The following SCN4A variants were observed in gnomAD, a reference collection of about 807,000 sequenced individuals.
SCN4A encodes the protein sodium voltage-gated channel alpha subunit 4, also known as sodium channel protein type 4 subunit alpha.
Under a neutral mutation model 162.0 loss-of-function variants are expected in SCN4A, and 83 were observed. The observed-to-expected ratio is 0.51, with a 90% CI of 0.43 to 0.61. SCN4A has a LOEUF of 0.61. Ranked by LOEUF, SCN4A falls within the 20% of genes least tolerant of loss-of-function variation. The pLI, the probability that SCN4A is intolerant of heterozygous loss-of-function variation, is 0.00. For missense variants in SCN4A, 2,196 were observed against 2,462.5 expected, an observed-to-expected ratio of 0.89 and a Z score of 2.29; for synonymous variants, 944 against 985.1, an observed-to-expected ratio of 0.96 and a Z score of 0.78.
chr17:63,958,840 A>G (rs961372689), intron 12 of SCN4A, among the ~76,000 whole-genome samples: 1 of 152,252 alleles, frequency 6.6e-6, no homozygotes, highest in Non-Finnish European at 1.5e-5. Context: ...GGCGTGAGCC[A>G]CCGCGTCCAG....
Position 63,945,369 on chromosome 17 carries a change from G to A in SCN4A, c.3711C>T (p.Leu1237=). 1 of 1,610,000 alleles carries A rather than the reference G, an allele frequency of 6.2e-7. No individual in the cohort carries two copies. ...GGTGGGTCACACTCACCACCTGCAG[G>A]AGGGAGAGGTAGCCCAGACCCACGT... The part of the protein sequence containing the change: ...YDNVGLGYLS[L]LQVATFKGWM... Residue 1237 remains leucine (L), a synonymous_variant, in exon 19 of 24, where the codon CTC becomes CTT. Transcript: ENST00000435607. The surrounding 1 kb of genome is among the most constrained non-coding windows in gnomAD (Gnocchi z 4.4).
intron 14 of SCN4A, 74 bp from the exon 15 acceptor site, chr17:63,949,602 G>A (rs1908844010): frequency 2.0e-6 from 3 of 1,481,484 alleles, no homozygotes; most frequent in East Asian, 2.3e-5. Flanking sequence ...GATGGGGCAG[G>A]ATGGGAGACC....
chr17:63,963,649 G>T (rs200636727), intron 10 of SCN4A, 23 bp downstream of exon 10: 18 of 1,534,044 alleles, frequency 1.2e-5, no homozygotes, highest in Admixed American at 1.1e-4. Context: ...ACCTAAGTGG[G>T]CACGGGGGCA....
chr17:63,945,088 C>CG lies in SCN4A; in HGVS notation c.3721-29dup, dbSNP rs752849292. 45 of 1,605,460 alleles carry CG rather than the reference C, an allele frequency of 2.8e-5. No individual in the cohort carries two copies. The African/African-American group carries it at 3.6e-4, about 13-fold the overall frequency. On this transcript the variant is annotated intron_variant, in intron 19 of 23. Transcript: ENST00000435607. This position sits in a 1 kb window ranked among gnomAD's most constrained non-coding sequence, Gnocchi z 4.4. ...GAGAGAGTGTGGTTGGGGAGTGAGCCGGGGGGCTGCTCCCTGCTTTCATCA... is the reference window on the plus strand; with the variant it reads ...GAGAGAGTGTGGTTGGGGAGTGAGCCGGGGGGGCTGCTCCCTGCTTTCATCA...
chr17:63,972,561 G>A lies in SCN4A; in HGVS notation c.273+8C>T. The A allele has an allele frequency of 1.3e-6, 2 of 1,592,962 alleles. No homozygotes were observed. The highest frequency in any genetic ancestry group is 1.3e-5 in the African/African-American group (1 of 74,516). On this transcript the variant is annotated splice_region_variant and intron_variant, in intron 1 of 23. Coordinates refer to ENST00000435607, the MANE Select transcript of SCN4A (RefSeq NM_000334.4). This position sits in a 1 kb window ranked among gnomAD's most constrained non-coding sequence, Gnocchi z 4.3. ...AGACAGACAGAGGAAGCCTTCCCAG[G>A]CCCAGACCTTCTTATTGCTGTAGTA...
Position 63,948,154 on chromosome 17 carries a change from G to A in SCN4A, c.3145-91C>T, listed in dbSNP as rs1908788128. On this transcript the variant is annotated intron_variant, in intron 16 of 23. Coordinates refer to ENST00000435607, the MANE Select transcript of SCN4A (RefSeq NM_000334.4). ...GCCCTGCTCTATGCTGCTGGTTCCC[G>A]GGGGTCTGCCGTGGGGGCCCAGCCC... The A allele has an allele frequency of 1.1e-5, 12 of 1,095,608 alleles. 1 individual carries two copies. Among genetic ancestry groups the A allele is most frequent in the East Asian group, 8.1e-5 (3 of 37,158 alleles). The allele number at this position is 1,095,608 out of a possible 1,614,324, so 67.9% of individuals were successfully genotyped here.
In SCN4A at chr17:63,960,996, C is replaced by T. The variant is rs529256410; in HGVS notation, c.1845+197G>A. Among the ~76,000 whole-genome samples, 80 of 151,714 alleles carry T rather than the reference C, an allele frequency of 5.3e-4. 3 individuals are homozygous for T. Among genetic ancestry groups the T allele is most frequent in the African/African-American group, 1.8e-3 (76 of 41,280 alleles). ...CCTGCCCCTAAATGTCCTGAAACCC[C>T]AGTTCTGTGTGCCACAGATCACCCC... On this transcript the variant is annotated intron_variant, in intron 11 of 23. Transcript: ENST00000435607.
chr17:63,951,664 C>T lies in SCN4A; in HGVS notation c.2613G>A (p.Gly871=). The change falls in exon 14 of 24, where the codon GGG becomes GGA. Residue 871 remains glycine (G), a synonymous_variant. Transcript: ENST00000435607. The surrounding 1 kb of genome is among the most constrained non-coding windows in gnomAD (Gnocchi z 4.5). ...ADGAGEAGEA[G]ETAPEDEKKE... ...TCTTCTCATCCTCGGGGGCAGTCTC[C>T]CCCGCCTCTCCAGCCTCCCCGGCCC... The T allele has an allele frequency of 6.2e-7, 1 of 1,605,082 alleles. No homozygotes were observed. The highest frequency in any genetic ancestry group is 8.5e-7 in the Non-Finnish European group (1 of 1,175,756).
intron 13 of SCN4A, among the ~76,000 whole-genome samples, chr17:63,953,667 G>A (rs1189707058): frequency 6.7e-6 from 1 of 150,262 alleles, no homozygotes; most frequent in Non-Finnish European, 1.5e-5. Flanking sequence ...GGGTGACAGT[G>A]CGAGACCCTG....
At chr17:63,962,470 G>A (rs949611254) in intron 10 of SCN4A, among the ~76,000 whole-genome samples, 107 of 152,320 alleles carry the variant, frequency 7.0e-4, no homozygotes, top group African/African-American at 2.4e-3. Flanking sequence ...TTGGCTGTGT[G>A]GAAATATGGG....
intron 4 of SCN4A, 70 bp from the exon 5 acceptor site, chr17:63,971,323 T>G: frequency 1.2e-6 from 1 of 854,144 alleles, no homozygotes; most frequent in Non-Finnish European, 1.9e-6. Flanking sequence ...AAATCAGGGC[T>G]CCTCCAGGCC....
chr17:63,952,000 A>T lies in SCN4A; in HGVS notation c.2377-100T>A, dbSNP rs1431163677. 1.5e-6 allele frequency: 1 copy of T among 676,932 alleles called. No homozygotes were observed. Among genetic ancestry groups the T allele is most frequent in the African/African-American group, 1.8e-5 (1 of 55,146 alleles). The allele number at this position is 676,932 out of a possible 1,614,324, so 41.9% of individuals were successfully genotyped here. A position where few individuals can be genotyped will look rare whatever the true frequency, so the allele number is the denominator to read the frequency against. On this transcript the variant is annotated intron_variant, in intron 13 of 23. Transcript: ENST00000435607. This position sits in a 1 kb window ranked among gnomAD's most constrained non-coding sequence, Gnocchi z 4.5. ...GGTCCTCGGTCTACAGATCCAAACT[A>T]CCACATGTTGGGCATTTAAAAGAAC...
rs756031938 is a variant in SCN4A at position 63,944,814 on chromosome 17, T to C, written c.3775-4A>G. 3 of 1,613,282 alleles carry C rather than the reference T, an allele frequency of 1.9e-6. No homozygotes were observed. Among genetic ancestry groups the C allele is most frequent in the Admixed American group, 1.7e-5 (1 of 59,938 alleles). On this transcript the variant is annotated splice_region_variant and splice_polypyrimidine_tract_variant and intron_variant, in intron 20 of 23. Coordinates refer to ENST00000435607, the MANE Select transcript of SCN4A (RefSeq NM_000334.4). This position sits in a 1 kb window ranked among gnomAD's most constrained non-coding sequence, Gnocchi z 4.3. ...CGTACTGCGGCTGCTCCTCCTTCTG[T>C]GGGAGCCACAGGGTGGGACGGCGTG...
Position 63,961,402 on chromosome 17 carries a change from G to A in SCN4A, c.1636C>T (p.Pro546Ser), listed in dbSNP as rs530774348. ...TTGTGGGCGCACTTGTACCACCATG[G>A]TGGGCACTTTTGGTGGGCCTCTTCC... ...ELEEAHQKCP[P>S]WWYKCAHKVL... The change falls in exon 11 of 24, where the codon CCA becomes TCA. Residue 546 changes from proline (P) to serine (S), a missense_variant. Pro to Ser is a moderately conservative substitution (Grantham distance 74). Coordinates refer to ENST00000435607, the MANE Select transcript of SCN4A (RefSeq NM_000334.4). 6 of 1,613,724 alleles carry A rather than the reference G, an allele frequency of 3.7e-6. No homozygotes were observed. In the South Asian group the frequency reaches 6.6e-5, roughly 18 times the overall value.
chr17:63,949,475 GTC>G lies in SCN4A; in HGVS notation c.2905_2906del (p.Asp969LeufsTer9). On this transcript the variant is annotated frameshift_variant, in exon 15 of 24. Transcript: ENST00000435607. LOFTEE classifies it high-confidence loss of function. ...DGNSSVCSTADYKPPEEDPEE... is the reference protein window; with the variant it reads ...DGNSSVCSTAXYKPPEEDPEE... ...CAGGGTCCTCCTCGGGGGGCTTGTA[GTC>G]AGCTGTGCTGCAGACGGACGAGTTC... 6.2e-7 allele frequency: 1 copy of G among 1,612,656 alleles called. No individual in the cohort carries two copies. The highest frequency in any genetic ancestry group is 8.5e-7 in the Non-Finnish European group (1 of 1,179,292).
At chr17:63,957,762 G>C (rs2144793659) in intron 12 of SCN4A, among the ~76,000 whole-genome samples, 1 of 152,276 alleles carries the variant, frequency 6.6e-6, no homozygotes, top group East Asian at 1.9e-4. Flanking sequence ...CCAGCACTTT[G>C]GGAAGCCGAG....
In SCN4A at chr17:63,966,398, G is replaced by C. The variant is rs77563591; in HGVS notation, c.1100+83C>G. ...CCCACAGGTTTCCCTGCACTCCCAT[G>C]CCCCCCAGGTCCTCATCTCTAATCA... On this transcript the variant is annotated intron_variant, in intron 7 of 23. Coordinates refer to ENST00000435607, the MANE Select transcript of SCN4A (RefSeq NM_000334.4). The C allele has an allele frequency of 0.02, 28,089 of 1,431,120 alleles. 518 individuals carry two copies. The highest frequency in any genetic ancestry group is 0.09 in the African/African-American group (6,415 of 71,168). 88.7% of individuals were successfully genotyped at this position (1,431,120 alleles called of 1,614,324 possible).
At position 63,951,794 on chromosome 17, in the gene SCN4A, C is replaced by A. The variant is rs556099012; in HGVS notation, c.2483G>T (p.Arg828Leu). The A allele has an allele frequency of 4.4e-6, 7 of 1,583,186 alleles. No individual in the cohort carries two copies. The highest frequency in any genetic ancestry group is 2.6e-6 in the Non-Finnish European group (3 of 1,164,700). ...EMNNLQIAIG[R>L]IKLGIGFAKA... Reference sequence around the variant, plus strand: ...GGCAAAGCCGATGCCCAACTTGATGCGCCCGATGGCAATCTGCAGGTTGTT... The same window carrying A: ...GGCAAAGCCGATGCCCAACTTGATGAGCCCGATGGCAATCTGCAGGTTGTT... Residue 828 changes from arginine to leucine, a missense_variant, in exon 14 of 24, where the codon CGC (arginine) becomes CTC (leucine). By Grantham distance (102) the Arg-to-Leu change is moderately radical (BLOSUM62 -2). Transcript: ENST00000435607. The surrounding 1 kb of genome is among the most constrained non-coding windows in gnomAD (Gnocchi z 4.5).
At chr17:63,969,531 T>A (rs1909554514) in intron 5 of SCN4A, among the ~76,000 whole-genome samples, 1 of 152,328 alleles carries the variant, frequency 6.6e-6, no homozygotes, top group African/African-American at 2.4e-5. Context: ...CAATGTACAG[T>A]GTGGAATTTG....
Sources: allele counts gnomAD v4.1 joint callset (sites outside exome capture counted in the v4.1 genomes callset), GRCh38; gene constraint gnomAD v4.1.1; non-coding constraint Gnocchi (gnomAD v3.1); transcripts MANE v1.5; gene names NCBI Gene and HGNC (gene_info 2026-07-23, HGNC 2026-07-21).